The following SH3BP4 variants were observed in gnomAD, a reference collection of about 807,000 sequenced individuals.
SH3BP4 encodes the protein SH3 domain-binding protein 4.
Under a neutral mutation model 65.5 loss-of-function variants are expected in SH3BP4, and 33 were observed. The ratio of observed to expected loss-of-function variants is 0.50; its 90% confidence interval spans 0.38 to 0.67. SH3BP4 has a LOEUF of 0.67. SH3BP4 is among the 30% of genes least tolerant of loss of function. The pLI is 0.00. For synonymous variants in SH3BP4, 552 were observed against 545.5 expected, an observed-to-expected ratio of 1.01 and a Z score of -0.17; for missense variants, 1,134 against 1,261.4, an observed-to-expected ratio of 0.90 and a Z score of 1.53.
intron 2 of SH3BP4, among the ~76,000 whole-genome samples, chr2:235,025,087 C>T (rs1694957744): frequency 1.3e-5 from 2 of 152,124 alleles, no homozygotes; most frequent in Non-Finnish European, 1.5e-5. Flanking sequence ...TGTTTGCTGT[C>T]AGCCATCTGA....
chr2:235,034,294 A>G lies in SH3BP4; in HGVS notation c.-132-577A>G, dbSNP rs1695299880. 1.3e-5 allele frequency among the ~76,000 whole-genome samples: 2 copies of G among 152,140 alleles called. No homozygotes were observed. The highest frequency in any genetic ancestry group is 6.5e-5 in the Admixed American group (1 of 15,284). ...GCATACGTTGCATTGAGAATACCTTATGGCCGCTCTGTGTTGTGTTTAGAA... is the reference window on the plus strand; with the variant it reads ...GCATACGTTGCATTGAGAATACCTTGTGGCCGCTCTGTGTTGTGTTTAGAA... On this transcript the variant is annotated intron_variant, in intron 2 of 5. Coordinates refer to ENST00000392011, the MANE Select transcript of SH3BP4 (RefSeq NM_014521.3). The surrounding 1 kb of genome is among the most constrained non-coding windows in gnomAD (Gnocchi z 6.2).
intron 3 of SH3BP4, 84 bp from the exon 4 acceptor site, chr2:235,040,804 C>A: frequency 8.3e-7 from 1 of 1,200,072 alleles, no homozygotes; most frequent in South Asian, 1.3e-5. Context: ...TGTCTGTTTA[C>A]CACCGTCCTC....
intron 2 of SH3BP4, among the ~76,000 whole-genome samples, chr2:235,027,313 G>A (rs976814578): frequency 6.6e-6 from 1 of 152,252 alleles, no homozygotes; most frequent in African/African-American, 2.4e-5. Context: ...GTCCCATCAA[G>A]TGACTCTGTG....
At chr2:235,025,928 A>G (rs1429054780) in intron 2 of SH3BP4, among the ~76,000 whole-genome samples, 1 of 152,196 alleles carries the variant, frequency 6.6e-6, no homozygotes, top group Non-Finnish European at 1.5e-5. Context: ...TGGAAGAAAC[A>G]GTAGCTGTGT....
chr2:235,042,521 C>G lies in SH3BP4; in HGVS notation c.1752C>G (p.Leu584=). The G allele has an allele frequency of 6.2e-7, 1 of 1,614,174 alleles. No individual in the cohort carries two copies. Among genetic ancestry groups the G allele is most frequent in the South Asian group, 1.1e-5 (1 of 91,084 alleles). ...FPITSQNPNE[L]SDFTLRVQVK... ...TCACCTCCCAGAACCCCAACGAGCT[C>G]TCTGACTTCACGCTGCGGGTTCAGG... The change falls in exon 4 of 6, where the codon CTC becomes CTG. Residue 584 remains leucine, a synonymous_variant. Transcript: ENST00000392011. This position sits in a 1 kb window ranked among gnomAD's most constrained non-coding sequence, Gnocchi z 7.3.
Position 235,042,968 on chromosome 2 carries a change from C to G in SH3BP4, c.2199C>G (p.Pro733=), listed in dbSNP as rs759293465. 5 of 1,612,682 alleles carry G rather than the reference C, an allele frequency of 3.1e-6. No individual in the cohort carries two copies. Among genetic ancestry groups the G allele is most frequent in the African/African-American group, 2.7e-5 (2 of 74,918 alleles). ...CCCGGCCCAGCCTGTGCTCGGGCCCCGAGCTGAGCACCTCGGTGCTGCTGG... is the reference window on the plus strand; with the variant it reads ...CCCGGCCCAGCCTGTGCTCGGGCCCGGAGCTGAGCACCTCGGTGCTGCTGG... The part of the protein sequence containing the change: ...GRARPSLCSG[P]ELSTSVLLEQ... Residue 733 remains proline, a synonymous_variant, in exon 4 of 6, where the codon CCC becomes CCG. Transcript: ENST00000392011. This position sits in a 1 kb window ranked among gnomAD's most constrained non-coding sequence, Gnocchi z 7.3.
At chr2:235,024,866 C>G (rs1452490791) in intron 2 of SH3BP4, among the ~76,000 whole-genome samples, 1 of 152,080 alleles carries the variant, frequency 6.6e-6, no homozygotes, top group African/African-American at 2.4e-5. Context: ...CCTTCCAGTG[C>G]CGAAGCTTTG....
rs779828263 is a variant in SH3BP4 at position 235,034,964 on chromosome 2, T to C, written c.-39T>C. 1.9e-6 allele frequency: 3 copies of C among 1,549,604 alleles called. No homozygotes were observed. Among genetic ancestry groups the C allele is most frequent in the East Asian group, 2.2e-5 (1 of 44,472 alleles). Reference sequence around the variant, plus strand: ...GCTGGGATAACTGGAGGAAGAAATATGAAGCCTTAGCGGCTTTACCCGGGA... The same window carrying C: ...GCTGGGATAACTGGAGGAAGAAATACGAAGCCTTAGCGGCTTTACCCGGGA... On this transcript the variant is annotated 5_prime_UTR_variant, in exon 3 of 6. It removes an upstream start codon present in the reference 5' UTR. Transcript: ENST00000392011. The surrounding 1 kb of genome is among the most constrained non-coding windows in gnomAD (Gnocchi z 6.2).
chr2:234,959,107 T>C (rs1396690108), intron 1 of SH3BP4, among the ~76,000 whole-genome samples: 2 of 152,176 alleles, frequency 1.3e-5, no homozygotes, highest in African/African-American at 4.8e-5. Flanking sequence ...TTTTTCCCAC[T>C]AGCCTTTGTG....
intron 1 of SH3BP4, among the ~76,000 whole-genome samples, chr2:234,985,725 C>T (rs1482524215): frequency 2.0e-5 from 3 of 152,214 alleles, no homozygotes; most frequent in African/African-American, 7.2e-5. Context: ...CCTATGAGCT[C>T]AGGGACTGTG....
rs1169707296 is a variant in SH3BP4, at chr2:234,997,259, T to G, written c.-133+1883T>G. Among the ~76,000 whole-genome samples, 1 of 152,236 alleles carries G rather than the reference T, an allele frequency of 6.6e-6. No individual in the cohort carries two copies. The highest frequency in any genetic ancestry group is 2.4e-5 in the African/African-American group (1 of 41,458). On this transcript the variant is annotated intron_variant, in intron 2 of 5. Transcript: ENST00000392011. The surrounding 1 kb of genome is among the most constrained non-coding windows in gnomAD (Gnocchi z 4.2). ...TCCCAGAGGCATACATGTAGTGTTTTCTTGGTGCCTCTGAATAGTCACAGT... is the reference window on the plus strand; with the variant it reads ...TCCCAGAGGCATACATGTAGTGTTTGCTTGGTGCCTCTGAATAGTCACAGT...
chr2:235,053,600 G>A lies in SH3BP4; in HGVS notation c.2676G>A (p.Trp892Ter). 1 of 1,613,846 alleles carries A rather than the reference G, an allele frequency of 6.2e-7. No homozygotes were observed. Among genetic ancestry groups the A allele is most frequent in the Non-Finnish European group, 8.5e-7 (1 of 1,179,814 alleles). ...ACAACTCCACCTCCCAGGCCATGTGGAAGCCTGCGTATGACTTCTTACTCA... is the reference window on the plus strand; with the variant it reads ...ACAACTCCACCTCCCAGGCCATGTGAAAGCCTGCGTATGACTTCTTACTCA... ...RNGVVDSEAM[W>*]KPAYDFLLTW... Residue 892 changes from tryptophan to a stop codon, truncating the protein, a stop_gained, in exon 6 of 6, where the codon TGG becomes TGA. Coordinates refer to ENST00000392011, the MANE Select transcript of SH3BP4 (RefSeq NM_014521.3). LOFTEE classifies it high-confidence loss of function.
intron 3 of SH3BP4, among the ~76,000 whole-genome samples, chr2:235,038,303 A>AC (rs1695476628): frequency 8.6e-5 from 1 of 11,616 alleles, no homozygotes; most frequent in African/African-American, 9.6e-4. Flanking sequence ...TATATATTAT[A>AC]TATATATATT....
chr2:235,000,924 C>T (rs756751103), intron 2 of SH3BP4, among the ~76,000 whole-genome samples: 6 of 152,238 alleles, frequency 3.9e-5, no homozygotes, highest in East Asian at 1.9e-4. Context: ...TTGTTCTGAC[C>T]TCTTTCCTTC....
intron 2 of SH3BP4, among the ~76,000 whole-genome samples, chr2:235,009,703 T>C (rs1216096139): frequency 2.0e-5 from 3 of 152,120 alleles, no homozygotes. Flanking sequence ...TCCCCAAATG[T>C]CTATTCCAGA....
chr2:234,986,188 C>G (rs1179050544), intron 1 of SH3BP4, among the ~76,000 whole-genome samples: 3 of 151,296 alleles, frequency 2.0e-5, no homozygotes, highest in African/African-American at 4.9e-5. Context: ...CGTTATCTCT[C>G]TTATTCATGA....
At position 235,051,361 on chromosome 2, in the gene SH3BP4, G is replaced by A. The variant is rs1162379185; in HGVS notation, c.2479-1201G>A. 2.0e-5 allele frequency among the ~76,000 whole-genome samples: 3 copies of A among 152,072 alleles called. No homozygotes were observed. The East Asian group carries it at 5.8e-4, about 29-fold the overall frequency. Reference sequence around the variant, plus strand: ...AAGTGTGAGTTTGACCCCAGCCTGGGGTCCCCCAGATATATTAGCCATATG... The same window carrying A: ...AAGTGTGAGTTTGACCCCAGCCTGGAGTCCCCCAGATATATTAGCCATATG... On this transcript the variant is annotated intron_variant, in intron 4 of 5. Coordinates refer to ENST00000392011, the MANE Select transcript of SH3BP4 (RefSeq NM_014521.3).
In SH3BP4 at chr2:235,005,442, C is replaced by T. The variant is rs373111142; in HGVS notation, c.-133+10066C>T. Among the ~76,000 whole-genome samples, 8 of 152,206 alleles carry T rather than the reference C, an allele frequency of 5.3e-5. No homozygotes were observed. In the East Asian group the frequency reaches 1.2e-3, roughly 22 times the overall value. On this transcript the variant is annotated intron_variant, in intron 2 of 5. Coordinates refer to ENST00000392011, the MANE Select transcript of SH3BP4 (RefSeq NM_014521.3). ...GCTTCCCCCTTCCCCACTTCCCTGG[C>T]GTCACTTCCCCCAGGGGTCCCTTCA...
intron 2 of SH3BP4, among the ~76,000 whole-genome samples, chr2:235,002,004 G>A (rs1423245591): frequency 6.6e-6 from 1 of 152,044 alleles, no homozygotes; most frequent in Non-Finnish European, 1.5e-5. Context: ...GGGATTACAG[G>A]TGTGCGCCAC....
Sources: allele counts gnomAD v4.1 joint callset (sites outside exome capture counted in the v4.1 genomes callset), GRCh38; gene constraint gnomAD v4.1.1; non-coding constraint Gnocchi (gnomAD v3.1); transcripts MANE v1.5; gene names NCBI Gene and HGNC (gene_info 2026-07-23, HGNC 2026-07-21).